The following TNR variants were observed in gnomAD, a reference collection of about 807,000 sequenced individuals.
TNR encodes tenascin-R.
Under a neutral mutation model 150.4 loss-of-function variants are expected in TNR, and 45 were observed. The observed-to-expected ratio is 0.30, with a 90% confidence interval of 0.24 to 0.38. The LOEUF (loss-of-function observed/expected upper bound fraction) is 0.38, where lower values mean the gene tolerates loss of function less well. TNR is among the 10% of genes least tolerant of loss of function. TNR has a pLI of 1.00. For missense variants in TNR, 1,544 were observed against 1,759.1 expected (o/e 0.88, Z 2.19); for synonymous variants, 687 against 678.4 (o/e 1.01, Z -0.20).
chr1:175,609,572 AG>A (rs1178326261), intron 1 of TNR, among the ~76,000 whole-genome samples: 1 of 152,178 alleles, frequency 6.6e-6, no homozygotes, highest in Non-Finnish European at 1.5e-5. Context: ...TGTCATCCTT[AG>A]GGGGCACCCT....
chr1:175,631,982 T>C (rs1475487124), intron 1 of TNR, among the ~76,000 whole-genome samples: 1 of 152,222 alleles, frequency 6.6e-6, no homozygotes, highest in Non-Finnish European at 1.5e-5. Context: ...ACAATAGCAA[T>C]GTTTGACTAA....
intron 2 of TNR, among the ~76,000 whole-genome samples, chr1:175,409,512 T>G (rs1007624679): frequency 1.3e-5 from 2 of 152,242 alleles, no homozygotes; most frequent in African/African-American, 4.8e-5. Flanking sequence ...CTTTAGTCGA[T>G]AACTAAACTT....
intron 2 of TNR, among the ~76,000 whole-genome samples, chr1:175,487,654 C>T (rs527464530): frequency 5.9e-5 from 9 of 152,228 alleles, no homozygotes; most frequent in South Asian, 2.1e-4. Context: ...TTGAGCAAGG[C>T]GCCTCCTTCC....
Position 175,382,073 on chromosome 1 carries a change from A to G in TNR, c.1778-2336T>C, listed in dbSNP as rs574903305. 1.6e-3 allele frequency among the ~76,000 whole-genome samples: 237 copies of G among 152,336 alleles called. 1 individual carries two copies. Among genetic ancestry groups the G allele is most frequent in the Non-Finnish European group, 8.5e-4 (58 of 68,020 alleles). ...GAGGCCTTTTCAAACCGCTTGATCC[A>G]ACATGGCCACGCTTCTGTACCGTTT... On this transcript the variant is annotated intron_variant, in intron 8 of 22. Coordinates refer to ENST00000367674, the MANE Select transcript of TNR (RefSeq NM_003285.3).
intron 1 of TNR, among the ~76,000 whole-genome samples, chr1:175,688,229 G>C (rs989413315): frequency 6.6e-6 from 1 of 152,226 alleles, no homozygotes; most frequent in Non-Finnish European, 1.5e-5. Flanking sequence ...AGGAGCCCCA[G>C]TCCCACGGGG....
chr1:175,351,127 G>T (rs1651032740), intron 18 of TNR, among the ~76,000 whole-genome samples: 1 of 152,200 alleles, frequency 6.6e-6, no homozygotes, highest in Non-Finnish European at 1.5e-5. Context: ...TCATGTCTGT[G>T]GGGTCCTGAC....
At chr1:175,591,687 T>C (rs1662803951) in intron 1 of TNR, among the ~76,000 whole-genome samples, 1 of 152,230 alleles carries the variant, frequency 6.6e-6, no homozygotes, top group Non-Finnish European at 1.5e-5. Flanking sequence ...AACTTGGTTT[T>C]CCCACCTATT....
intron 1 of TNR, among the ~76,000 whole-genome samples, chr1:175,601,738 T>C (rs1190304222): frequency 6.6e-6 from 1 of 152,180 alleles, no homozygotes; most frequent in Non-Finnish European, 1.5e-5. Flanking sequence ...TCACTTATGA[T>C]CTGTAAGATG....
intron 2 of TNR, among the ~76,000 whole-genome samples, chr1:175,439,323 T>C (rs929800893): frequency 1.2e-4 from 18 of 152,030 alleles, no homozygotes; most frequent in African/African-American, 4.1e-4. Context: ...GCTAGCCATA[T>C]GTAGAAAACT....
intron 1 of TNR, among the ~76,000 whole-genome samples, chr1:175,710,981 A>G (rs1666996510): frequency 6.6e-6 from 1 of 150,388 alleles, no homozygotes; most frequent in South Asian, 2.1e-4. Flanking sequence ...GATATACGGC[A>G]CCTCCTCCAC....
At chr1:175,718,554 T>G (rs1005045956) in intron 1 of TNR, among the ~76,000 whole-genome samples, 3 of 152,172 alleles carry the variant, frequency 2.0e-5, no homozygotes, top group Admixed American at 2.0e-4. Context: ...CTAGGCAGTT[T>G]AGTAGGGTGG....
rs750242593 is a variant in TNR, at chr1:175,391,386, T to C, written c.1409A>G (p.Asn470Ser). 1.2e-6 allele frequency: 2 copies of C among 1,614,052 alleles called. No individual in the cohort carries two copies. Among genetic ancestry groups the C allele is most frequent in the African/African-American group, 2.7e-5 (2 of 74,926 alleles). Residue 470 changes from asparagine (N) to serine (S), a missense_variant, in exon 7 of 23, where the codon AAC (asparagine) becomes AGC (serine). Coordinates refer to ENST00000367674, the MANE Select transcript of TNR (RefSeq NM_003285.3). Reference sequence around the variant, plus strand: ...CTCCCCAGGCTTTAGTCCTGTCTGGTTAAAGGACGTAACATCGCTGGGGAC... The same window carrying C: ...CTCCCCAGGCTTTAGTCCTGTCTGGCTAAAGGACGTAACATCGCTGGGGAC... ...AQVPSDVTSF[N>S]QTGLKPGEEY...
At chr1:175,621,032 C>T (rs1286401767) in intron 1 of TNR, among the ~76,000 whole-genome samples, 2 of 152,158 alleles carry the variant, frequency 1.3e-5, no homozygotes, top group East Asian at 3.9e-4. Context: ...TATGACCACG[C>T]ACCCCTCTTC....
At chr1:175,568,589 T>C (rs990656737) in intron 1 of TNR, among the ~76,000 whole-genome samples, 1 of 152,178 alleles carries the variant, frequency 6.6e-6, no homozygotes, top group Non-Finnish European at 1.5e-5. Context: ...CTTATTTCAC[T>C]CTCTGAGGTT....
chr1:175,618,767 C>T (rs74127363), intron 1 of TNR, among the ~76,000 whole-genome samples: 3,982 of 152,240 alleles, frequency 0.026, 177 homozygotes, highest in African/African-American at 0.089. Context: ...TTGTCACCTC[C>T]AGGAACACAC....
intron 2 of TNR, among the ~76,000 whole-genome samples, chr1:175,419,568 G>T (rs564439868): frequency 7.2e-5 from 11 of 152,108 alleles, no homozygotes; most frequent in Non-Finnish European, 1.3e-4. Context: ...TGCAACCTCC[G>T]CCTCCCGGGT....
At chr1:175,366,937 T>C (rs1463627932) in intron 10 of TNR, among the ~76,000 whole-genome samples, 7 of 152,194 alleles carry the variant, frequency 4.6e-5, no homozygotes, top group Non-Finnish European at 7.3e-5. Flanking sequence ...TATTTAGGAT[T>C]TTCCACCTCT....
chr1:175,508,466 A>G (rs1406144335), intron 2 of TNR, among the ~76,000 whole-genome samples: 1 of 152,168 alleles, frequency 6.6e-6, no homozygotes, highest in Non-Finnish European at 1.5e-5. Context: ...AACAATTAGA[A>G]TATGGCAGAA....
At chr1:175,628,612 C>G (rs372150101) in intron 1 of TNR, among the ~76,000 whole-genome samples, 1 of 151,744 alleles carries the variant, frequency 6.6e-6, no homozygotes, top group East Asian at 1.9e-4. Context: ...CAGCTGAGAG[C>G]TGGAGAAACC....
Sources: allele counts gnomAD v4.1 joint callset (sites outside exome capture counted in the v4.1 genomes callset), GRCh38; gene constraint gnomAD v4.1.1; transcripts MANE v1.5; gene names NCBI Gene and HGNC (gene_info 2026-07-23, HGNC 2026-07-21).